Variants in RPS25 observed in about 807,000 individuals in gnomAD.
RPS25 encodes small ribosomal subunit protein eS25.
In RPS25, 1 loss-of-function variant was observed where a neutral mutation model predicts 14.4. The observed-to-expected ratio is 0.07, with a 90% CI of 0.02 to 0.33. RPS25 has a LOEUF of 0.33. Among genes scored for constraint, RPS25 ranks in the 10% least tolerant of loss-of-function variants. The probability of loss-of-function intolerance (pLI) is 1.00; values close to 1 mark genes in which losing one functional copy is unlikely to be tolerated. For synonymous variants in RPS25, 63 were observed against 53.8 expected (o/e 1.17, Z -0.75); for missense variants, 65 against 144.6 (o/e 0.45, Z 2.82).
At position 119,017,964 on chromosome 11, in the gene RPS25, T is replaced by C. The variant is rs1565676758; in HGVS notation, c.93A>G (p.Lys31=). 2 of 1,612,130 alleles carry C rather than the reference T, an allele frequency of 1.2e-6. No homozygotes were observed. The highest frequency in any genetic ancestry group is 2.2e-5 in the East Asian group (1 of 44,884). The change falls in exon 2 of 5, where the codon AAA becomes AAG. Residue 31 remains lysine, a synonymous_variant. Coordinates refer to ENST00000527673, the MANE Select transcript of RPS25 (RefSeq NM_001028.3). ...DPVNKSGGKA[K]KKKWSKGKVR... ...AGAGAGGTCTTATTTCTACCTTCTT[T>C]TTGGCCTTGCCCCCGGATTTGTTCA...
chr11:119,017,985 G>A lies in RPS25; in HGVS notation c.72C>T (p.Asn24=), dbSNP rs782059110. 6.2e-7 allele frequency: 1 copy of A among 1,612,446 alleles called. No individual in the cohort carries two copies. Among genetic ancestry groups the A allele is most frequent in the Non-Finnish European group, 8.5e-7 (1 of 1,179,952 alleles). Reference sequence around the variant, plus strand: ...TCTTTTTGGCCTTGCCCCCGGATTTGTTCACTGGGTCTTTGTCTTTCTTGG... The same window carrying A: ...TCTTTTTGGCCTTGCCCCCGGATTTATTCACTGGGTCTTTGTCTTTCTTGG... The part of the protein sequence containing the change: ...KSAKKDKDPV[N]KSGGKAKKKK... The change falls in exon 2 of 5, where the codon AAC becomes AAT. Residue 24 remains asparagine (N), a synonymous_variant. Transcript: ENST00000527673.
At chr11:119,017,813 G>A (rs1165978964) in intron 2 of RPS25, 145 bp downstream of exon 2, 3 of 723,438 alleles carry the variant, frequency 4.1e-6, no homozygotes, top group Non-Finnish European at 7.1e-6. Context: ...ATGGGAAAAA[G>A]AACGAGTGGT....
Position 119,018,071 on chromosome 11 carries a change from G to T in RPS25, c.4-18C>A. On this transcript the variant is annotated intron_variant, in intron 1 of 4. Transcript: ENST00000527673. ...TTAGGCGGCTGTAGGAGGGCAGCGG[G>T]AATGCAACCAGGTCCTCAAATAGCG... 6.2e-7 allele frequency: 1 copy of T among 1,610,028 alleles called. No individual in the cohort carries two copies. The highest frequency in any genetic ancestry group is 8.5e-7 in the Non-Finnish European group (1 of 1,177,868).
At chr11:119,018,126 C>T (rs1943211522) in intron 1 of RPS25, 73 bp from the exon 2 acceptor site, 3 of 1,559,302 alleles carry the variant, frequency 1.9e-6, no homozygotes, top group African/African-American at 1.4e-5. Flanking sequence ...CGCCCTCAGC[C>T]CCCGCAAACT....
rs1943139422 is a variant in RPS25 at position 119,015,744 on chromosome 11, T to G, written c.*19A>C. ...TAATAAAGTTTTATTTTTCCAAATGTACAGCTGGTTGGACCTGTAAAAAAA... is the reference window on the plus strand; with the variant it reads ...TAATAAAGTTTTATTTTTCCAAATGGACAGCTGGTTGGACCTGTAAAAAAA... On this transcript the variant is annotated 3_prime_UTR_variant, in exon 5 of 5. Coordinates refer to ENST00000527673, the MANE Select transcript of RPS25 (RefSeq NM_001028.3). 6 of 1,256,754 alleles carry G rather than the reference T, an allele frequency of 4.8e-6. No homozygotes were observed. Among genetic ancestry groups the G allele is most frequent in the Non-Finnish European group, 6.9e-6 (6 of 872,730 alleles). The allele number at this position is 1,256,754 out of a possible 1,614,324, so 77.9% of individuals were successfully genotyped here. A position where few individuals can be genotyped will look rare whatever the true frequency, so the allele number is the denominator to read the frequency against.
chr11:119,017,916 G>C (rs782765494), intron 2 of RPS25, 42 bp downstream of exon 2: 3 of 1,487,576 alleles, frequency 2.0e-6, no homozygotes, highest in East Asian at 2.3e-5. Flanking sequence ...AGGATTACGA[G>C]AGAGTTACCC....
chr11:119,017,998 T>C lies in RPS25; in HGVS notation c.59A>G (p.Lys20Arg), dbSNP rs781890002. The change falls in exon 2 of 5, where the codon AAA becomes AGA. Residue 20 changes from lysine (K) to arginine (R), a missense_variant. Transcript: ENST00000527673. ...GCCCCCGGATTTGTTCACTGGGTCT[T>C]TGTCTTTCTTGGCCGACTTTCCAGC... ...KDAGKSAKKD[K>R]DPVNKSGGKA... 4.3e-6 allele frequency: 7 copies of C among 1,612,280 alleles called. No homozygotes were observed. Among genetic ancestry groups the C allele is most frequent in the Non-Finnish European group, 5.9e-6 (7 of 1,180,018 alleles).
intron 1 of RPS25, 113 bp downstream of exon 1, chr11:119,018,169 C>T (rs1441132349): frequency 1.9e-6 from 3 of 1,581,102 alleles, no homozygotes; most frequent in Non-Finnish European, 1.7e-6. Context: ...AAGCAATAAC[C>T]GCGCCCGCCC....
rs782493991 is a variant in RPS25 at position 119,018,026 on chromosome 11, CCTT to C, written c.28_30del (p.Lys10del). Reference sequence around the variant, plus strand: ...TCTTTCTTGGCCGACTTTCCAGCGTCCTTCTTCTTCTTGTCGTCCTTAGGCGGC... The same window carrying C: ...TCTTTCTTGGCCGACTTTCCAGCGTCCTTCTTCTTGTCGTCCTTAGGCGGC... On this transcript the variant is annotated inframe_deletion, in exon 2 of 5. Transcript: ENST00000527673. 16 of 1,612,204 alleles carry C rather than the reference CCTT, an allele frequency of 9.9e-6. No homozygotes were observed. The highest frequency in any genetic ancestry group is 1.3e-5 in the African/African-American group (1 of 74,850).
intron 3 of RPS25, among the ~76,000 whole-genome samples, chr11:119,016,281 A>G (rs1408276026): frequency 6.6e-6 from 1 of 152,140 alleles, no homozygotes; most frequent in Non-Finnish European, 1.5e-5. Context: ...ATGAGACTCT[A>G]GTAAGGTTTG....
intron 1 of RPS25, 30 bp from the exon 2 acceptor site, chr11:119,018,083 G>A: frequency 1.9e-6 from 3 of 1,602,938 alleles, no homozygotes; most frequent in East Asian, 2.2e-5. Flanking sequence ...ATGCAACCAG[G>A]TCCTCAAATA....
At chr11:119,017,779 A>C (rs962557847) in intron 2 of RPS25, 179 bp downstream of exon 2, 7 of 668,564 alleles carry the variant, frequency 1.0e-5, no homozygotes, top group Non-Finnish European at 1.8e-5. Context: ...CACTTCGCAC[A>C]ACAGACCCAT....
intron 2 of RPS25, 80 bp from the exon 3 acceptor site, chr11:119,017,625 G>T: frequency 8.2e-7 from 1 of 1,223,610 alleles, no homozygotes; most frequent in African/African-American, 1.5e-5. Context: ...CTGCGTCAGA[G>T]AAATCTGTTC....
intron 1 of RPS25, 47 bp from the exon 2 acceptor site, chr11:119,018,100 A>T (rs782439162): frequency 1.4e-5 from 23 of 1,590,308 alleles, no homozygotes; most frequent in Non-Finnish European, 2.0e-5. Context: ...AATAGCGCCA[A>T]AGTCCCCTAA....
Position 119,018,143 on chromosome 11 carries a change from C to T in RPS25, c.4-90G>A, listed in dbSNP as rs148307309. 41 of 1,559,278 alleles carry T rather than the reference C, an allele frequency of 2.6e-5. No homozygotes were observed. The East Asian group carries it at 7.9e-4, about 30-fold the overall frequency. ...CCCTCAGCCCCCGCAAACTCCACCA[C>T]CAGAGCACATGGGCCAAGCAATAAC... On this transcript the variant is annotated intron_variant, in intron 1 of 4. Transcript: ENST00000527673.
intron 3 of RPS25, 66 bp downstream of exon 3, chr11:119,017,296 G>T (rs184248775): frequency 1.7e-6 from 2 of 1,205,116 alleles, no homozygotes; most frequent in Admixed American, 2.6e-5. Flanking sequence ...CAAAACCACT[G>T]AAGATGCTTA....
At position 119,017,944 on chromosome 11, in the gene RPS25, G is replaced by T. The variant is rs569077784; in HGVS notation, c.99+14C>A. The T allele has an allele frequency of 3.4e-5, 54 of 1,596,672 alleles. No homozygotes were observed. Among genetic ancestry groups the T allele is most frequent in the Non-Finnish European group, 4.5e-5 (52 of 1,165,258 alleles). On this transcript the variant is annotated intron_variant, in intron 2 of 4. Transcript: ENST00000527673. ...AGTTACCCCTAGTCTCTTTCAGAGA[G>T]GTCTTATTTCTACCTTCTTTTTGGC...
At chr11:119,017,275 TGC>T in intron 3 of RPS25, 85 bp downstream of exon 3, 4 of 1,018,170 alleles carry the variant, frequency 3.9e-6, no homozygotes, top group Middle Eastern at 2.2e-4. Flanking sequence ...TTTTTAATTC[TGC>T]TTTTCCAGCA....
intron 3 of RPS25, among the ~76,000 whole-genome samples, chr11:119,016,491 G>A (rs535330016): frequency 6.6e-6 from 1 of 152,224 alleles, no homozygotes; most frequent in African/African-American, 2.4e-5. Context: ...TCCTGCTTTG[G>A]CCTCCCAAGT....
Sources: allele counts gnomAD v4.1 joint callset (sites outside exome capture counted in the v4.1 genomes callset), GRCh38; gene constraint gnomAD v4.1.1; transcripts MANE v1.5; gene names NCBI Gene and HGNC (gene_info 2026-07-23, HGNC 2026-07-21).